The following MLLT10 variants were observed in gnomAD, a reference collection of about 807,000 sequenced individuals.
MLLT10 encodes MLLT10 histone lysine methyltransferase DOT1L cofactor, also known as protein AF-10.
Under a neutral mutation model 129.1 loss-of-function variants are expected in MLLT10, and 30 were observed. The observed-to-expected ratio is 0.23, with a 90% confidence interval of 0.17 to 0.32. MLLT10 has a LOEUF of 0.32. Ranked by LOEUF, MLLT10 falls within the 10% of genes least tolerant of loss-of-function variation. The pLI is 1.00. For missense variants in MLLT10, 1,119 were observed against 1,268.3 expected, an observed-to-expected ratio of 0.88 and a Z score of 1.79; for synonymous variants, 490 against 446.4, an observed-to-expected ratio of 1.10 and a Z score of -1.23.
chr10:21,661,373 G>A (rs1166954819), intron 9 of MLLT10, among the ~76,000 whole-genome samples: 1 of 152,124 alleles, frequency 6.6e-6, no homozygotes, highest in East Asian at 1.9e-4. Context: ...TCTCACTAGT[G>A]TATCTGTTAA....
chr10:21,652,725 G>A (rs1300227550), intron 9 of MLLT10, among the ~76,000 whole-genome samples: 2 of 152,166 alleles, frequency 1.3e-5, no homozygotes, highest in Non-Finnish European at 2.9e-5. Context: ...GAGATGTAAC[G>A]TGGTCTGACT....
rs893743139 is a variant in MLLT10 at position 21,626,255 on chromosome 10, C to T, written c.699+9048C>T. Reference sequence around the variant, plus strand: ...AAATTCCCTGAGAGCATCAATTGCTCTTTCATCAAGATCGATACAAGCTAT... The same window carrying T: ...AAATTCCCTGAGAGCATCAATTGCTTTTTCATCAAGATCGATACAAGCTAT... On this transcript the variant is annotated intron_variant, in intron 8 of 22. Coordinates refer to ENST00000307729, the MANE Select transcript of MLLT10 (RefSeq NM_001195626.3). The T allele has an allele frequency of 3.9e-5, 61 of 1,553,736 alleles. No homozygotes were observed. The African/African-American group carries it at 6.9e-4, about 18-fold the overall frequency.
intron 14 of MLLT10, among the ~76,000 whole-genome samples, chr10:21,717,642 TC>T (rs2056752735): frequency 8.7e-6 from 1 of 115,510 alleles, no homozygotes; most frequent in Non-Finnish European, 1.8e-5. Context: ...CTCCTCCTTT[TC>T]CTCCTCCTCT....
intron 9 of MLLT10, among the ~76,000 whole-genome samples, chr10:21,657,499 A>G (rs1421013023): frequency 6.6e-6 from 1 of 152,040 alleles, no homozygotes; most frequent in Non-Finnish European, 1.5e-5. Flanking sequence ...AGATGCTTAT[A>G]AGCCACAGTT....
At chr10:21,627,490 C>G (rs750297581) in intron 8 of MLLT10, among the ~76,000 whole-genome samples, 8 of 152,186 alleles carry the variant, frequency 5.3e-5, no homozygotes, top group Non-Finnish European at 1.0e-4. Flanking sequence ...TCACAAGTTG[C>G]ATTTAGCTGT....
chr10:21,704,612 T>C (rs1455086359), intron 13 of MLLT10, among the ~76,000 whole-genome samples: 3 of 9,806 alleles, frequency 3.1e-4, no homozygotes, highest in Non-Finnish European at 3.7e-4. Context: ...TCTCTCTCGC[T>C]TTTTTTTTTT....
intron 10 of MLLT10, among the ~76,000 whole-genome samples, chr10:21,671,629 T>C (rs938618910): frequency 2.0e-5 from 3 of 152,014 alleles, no homozygotes; most frequent in African/African-American, 7.2e-5. Flanking sequence ...CTCTAAAAAA[T>C]ACAAAATTAG....
chr10:21,688,570 A>T, intron 13 of MLLT10: 1 of 1,583,394 alleles, frequency 6.3e-7, no homozygotes, highest in Non-Finnish European at 8.6e-7. Context: ...GGTTCTAAAC[A>T]TAATAGTGTT....
intron 13 of MLLT10, among the ~76,000 whole-genome samples, chr10:21,706,805 G>A (rs868044217): frequency 1.3e-4 from 20 of 151,996 alleles, no homozygotes; most frequent in Non-Finnish European, 1.8e-4. Flanking sequence ...TTCTTCTGGC[G>A]TCTACTCATA....
At chr10:21,644,509 A>G (rs571227409) in intron 8 of MLLT10, among the ~76,000 whole-genome samples, 64 of 152,290 alleles carry the variant, frequency 4.2e-4, no homozygotes, top group African/African-American at 1.5e-3. Context: ...ACTTTTTGGT[A>G]GAACTCCAGG....
intron 13 of MLLT10, among the ~76,000 whole-genome samples, chr10:21,685,846 G>A (rs985063996): frequency 6.6e-6 from 1 of 152,098 alleles, no homozygotes; most frequent in Admixed American, 6.5e-5. Context: ...GGAAAATGTA[G>A]CAATTAACAA....
At chr10:21,718,286 C>G (rs543353581) in intron 14 of MLLT10, among the ~76,000 whole-genome samples, 1 of 152,002 alleles carries the variant, frequency 6.6e-6, no homozygotes, top group African/African-American at 2.4e-5. Flanking sequence ...AGAGTAGTTT[C>G]TTAACATTGC....
rs547397305 is a variant in MLLT10 at position 21,588,385 on chromosome 10, T to G, written c.295+2037T>G. 3.3e-5 allele frequency among the ~76,000 whole-genome samples: 5 copies of G among 152,266 alleles called. No individual in the cohort carries two copies. The East Asian group carries it at 5.8e-4, about 18-fold the overall frequency. ...CCCGGCATGAACAGTTTATCTTGTT[T>G]CAGTATAGAGCTTTTTTTTCTTTTT... On this transcript the variant is annotated intron_variant, in intron 4 of 22. Coordinates refer to ENST00000307729, the MANE Select transcript of MLLT10 (RefSeq NM_001195626.3).
intron 13 of MLLT10, among the ~76,000 whole-genome samples, chr10:21,712,879 T>TC (rs775927784): frequency 2.0e-5 from 3 of 152,250 alleles, no homozygotes; most frequent in Non-Finnish European, 4.4e-5. Flanking sequence ...AGCCTCTCCT[T>TC]CTCTATGCTG....
At chr10:21,666,999 TG>T (rs2050872342) in intron 9 of MLLT10, among the ~76,000 whole-genome samples, 1 of 152,190 alleles carries the variant, frequency 6.6e-6, no homozygotes, top group African/African-American at 2.4e-5. Context: ...TAGCATTTAT[TG>T]TAGTGTTGGT....
At chr10:21,640,647 G>C (rs2047915877) in intron 8 of MLLT10, among the ~76,000 whole-genome samples, 1 of 152,106 alleles carries the variant, frequency 6.6e-6, no homozygotes, top group Non-Finnish European at 1.5e-5. Context: ...GTAATAGACA[G>C]TAAGCATAGC....
intron 3 of MLLT10, among the ~76,000 whole-genome samples, chr10:21,550,859 T>G (rs1428328395): frequency 7.2e-6 from 1 of 139,842 alleles, no homozygotes; most frequent in East Asian, 1.9e-4. Flanking sequence ...TCTTTTTTAT[T>G]TCTGCCACCT....
At chr10:21,594,471 T>C (rs140602336) in intron 4 of MLLT10, among the ~76,000 whole-genome samples, 60 of 149,322 alleles carry the variant, frequency 4.0e-4, no homozygotes, top group African/African-American at 1.4e-3. Context: ...GAGAATTGCT[T>C]GAACCCAGGA....
intron 9 of MLLT10, among the ~76,000 whole-genome samples, chr10:21,667,202 A>C (rs79756305): frequency 0.032 from 4,806 of 152,060 alleles, 94 homozygotes; most frequent in Middle Eastern, 0.065. Context: ...TTGTTTTTGG[A>C]GTGTAAGACA....
Sources: allele counts gnomAD v4.1 joint callset (sites outside exome capture counted in the v4.1 genomes callset), GRCh38; gene constraint gnomAD v4.1.1; transcripts MANE v1.5; gene names NCBI Gene and HGNC (gene_info 2026-07-23, HGNC 2026-07-21).